The following BCL9 variants were observed in gnomAD, a reference collection of about 807,000 sequenced individuals.
The protein encoded by BCL9 is BCL9 transcription coactivator, also known as B-cell CLL/lymphoma 9 protein.
BCL9 carries 25 observed loss-of-function variants against 88.5 expected under a neutral mutation model. The ratio of observed to expected loss-of-function variants is 0.28; its 90% CI spans 0.21 to 0.39. BCL9 has a LOEUF of 0.39. Ranked by LOEUF, BCL9 falls within the 10% of genes least tolerant of loss-of-function variation. BCL9 has a pLI of 1.00. For synonymous variants in BCL9, 711 were observed against 673.3 expected, an observed-to-expected ratio of 1.06 and a Z score of -0.87; for missense variants, 1,817 against 1,877.8, an observed-to-expected ratio of 0.97 and a Z score of 0.60.
rs1389517302 is a variant in BCL9, at chr1:147,619,170, G to T, written c.1015G>T (p.Gly339Cys). ...CCCTCCGCCTCCACCAGTGTCCAGT[G>T]GCGAGCCCCCCACACTGGGAGAGAA... ...KAPPPPPVSS[G>C]EPPTLGENPD... The change falls in exon 8 of 10, where the codon GGC (glycine) becomes TGC (cysteine). Residue 339 changes from glycine (G) to cysteine (C), a missense_variant. Transcript: ENST00000234739. This position sits in a 1 kb window ranked among gnomAD's most constrained non-coding sequence, Gnocchi z 4.1. The T allele has an allele frequency of 6.8e-6, 11 of 1,613,282 alleles. No individual in the cohort carries two copies. The highest frequency in any genetic ancestry group is 9.3e-6 in the Non-Finnish European group (11 of 1,179,580).
intron 3 of BCL9, among the ~76,000 whole-genome samples, chr1:147,607,642 C>G (rs1553202155): frequency 6.6e-6 from 1 of 152,180 alleles, no homozygotes; most frequent in Non-Finnish European, 1.5e-5. Flanking sequence ...ATTCATTCAA[C>G]AGAACTATTC....
intron 1 of BCL9, among the ~76,000 whole-genome samples, chr1:147,584,119 C>T (rs2101555815): frequency 6.6e-6 from 1 of 151,090 alleles, no homozygotes; most frequent in Admixed American, 6.6e-5. Flanking sequence ...GTGATCTCAG[C>T]TCACTGCAAC....
rs142765909 is a variant in BCL9, at chr1:147,593,512, T to C, written c.-477-11265T>C. Among the ~76,000 whole-genome samples, 739 of 152,308 alleles carry C rather than the reference T, an allele frequency of 4.9e-3. 12 individuals are homozygous for C. The highest frequency in any genetic ancestry group is 0.022 in the Admixed American group (333 of 15,298). ...GCCCAAAACACTTGGTATTTATTCA[T>C]ATTATGCCACTTATTATAAGTGATT... is the stretch of plus-strand genomic sequence containing the variant. On this transcript the variant is annotated intron_variant, in intron 1 of 9. Coordinates refer to ENST00000234739, the MANE Select transcript of BCL9 (RefSeq NM_004326.4).
In BCL9 at chr1:147,599,327, G is replaced by T. The variant is rs587665821; in HGVS notation, c.-477-5450G>T. Among the ~76,000 whole-genome samples, 4 of 152,354 alleles carry T rather than the reference G, an allele frequency of 2.6e-5. No homozygotes were observed. In the South Asian group the frequency reaches 6.2e-4, roughly 24 times the overall value. On this transcript the variant is annotated intron_variant, in intron 1 of 9. Transcript: ENST00000234739. ...AGAGAAGGGACAGGAAAGCGGGGTG[G>T]AACTGCGTCCCGAAGGTGTGAGGAG... is the stretch of plus-strand genomic sequence containing the variant.
intron 3 of BCL9, among the ~76,000 whole-genome samples, chr1:147,608,404 A>T (rs1553202248): frequency 1.3e-5 from 2 of 148,852 alleles, no homozygotes; most frequent in South Asian, 2.1e-4. Context: ...GATCCAACAG[A>T]CAGAGGGGAT....
chr1:147,548,255 C>T (rs1384995486), intron 1 of BCL9, among the ~76,000 whole-genome samples: 1 of 152,144 alleles, frequency 6.6e-6, no homozygotes, highest in African/African-American at 2.4e-5. Flanking sequence ...TAAGGTCATA[C>T]TTGCTCTAAG....
At chr1:147,582,616 A>C (rs1376741572) in intron 1 of BCL9, among the ~76,000 whole-genome samples, 1 of 152,192 alleles carries the variant, frequency 6.6e-6, no homozygotes, top group Non-Finnish European at 1.5e-5. Flanking sequence ...TTACATGTTT[A>C]AATGCTTAGG....
At position 147,615,950 on chromosome 1, in the gene BCL9, C is replaced by G. The variant is rs1553203770; in HGVS notation, c.660+48C>G. ...TAATGGTTTAATGATTCTACAGTGA[C>G]TGCAAAGGAAAGGAGGTGGTGAATT... On this transcript the variant is annotated intron_variant, in intron 7 of 9. Coordinates refer to ENST00000234739, the MANE Select transcript of BCL9 (RefSeq NM_004326.4). 3 of 1,534,958 alleles carry G rather than the reference C, an allele frequency of 2.0e-6. No homozygotes were observed. In the South Asian group the frequency reaches 3.4e-5, roughly 17 times the overall value.
In BCL9 at chr1:147,619,552, C is replaced by G. The variant is rs1553204656; in HGVS notation, c.1397C>G (p.Thr466Ser). ...TIGPDHLDHM[T>S]PEQIAWLKLQ... is the part of the protein sequence containing the mutation. ...GGACCCGACCACCTTGACCATATGA[C>G]TCCCGAGCAGATAGCGTGGCTGAAA... The change falls in exon 8 of 10, where the codon ACT becomes AGT. Residue 466 changes from threonine (T) to serine (S), a missense_variant. Transcript: ENST00000234739. This position sits in a 1 kb window ranked among gnomAD's most constrained non-coding sequence, Gnocchi z 4.1. 2 of 1,614,124 alleles carry G rather than the reference C, an allele frequency of 1.2e-6. No homozygotes were observed. The highest frequency in any genetic ancestry group is 1.6e-4 in the Middle Eastern group (1 of 6,062).
chr1:147,560,802 G>C (rs17160434), intron 1 of BCL9, among the ~76,000 whole-genome samples: 2,239 of 152,094 alleles, frequency 0.015, 26 homozygotes, highest in East Asian at 0.055. Flanking sequence ...ACAAGGCATC[G>C]TTACTTCATG....
At chr1:147,617,864 G>T (rs781939981) in intron 7 of BCL9, among the ~76,000 whole-genome samples, 1 of 152,150 alleles carries the variant, frequency 6.6e-6, no homozygotes, top group Non-Finnish European at 1.5e-5. Context: ...AAGTCCTTCT[G>T]TTCATCAGTG....
In BCL9 at chr1:147,619,609, G is replaced by A. The variant is rs782313751; in HGVS notation, c.1454G>A (p.Arg485Lys). Residue 485 changes from arginine to lysine, a missense_variant, in exon 8 of 10, where the codon AGG becomes AAG. Coordinates refer to ENST00000234739, the MANE Select transcript of BCL9 (RefSeq NM_004326.4). This position sits in a 1 kb window ranked among gnomAD's most constrained non-coding sequence, Gnocchi z 4.1. ...CAGGAGTTTTATGAAGAGAAGAGGA[G>A]GAAGCAGGAACAAGTGGTTGTCCAG... ...LQQEFYEEKRRKQEQVVVQQC... is the reference protein window; with the variant it reads ...LQQEFYEEKRKKQEQVVVQQC... 5 of 1,613,960 alleles carry A rather than the reference G, an allele frequency of 3.1e-6. No homozygotes were observed. In the Middle Eastern group the frequency reaches 4.9e-4, roughly 159 times the overall value.
intron 1 of BCL9, among the ~76,000 whole-genome samples, chr1:147,573,568 C>T (rs960192939): frequency 1.3e-5 from 2 of 152,116 alleles, no homozygotes; most frequent in Non-Finnish European, 2.9e-5. Flanking sequence ...GGATAGGCTC[C>T]GGAGTGAGAC....
intron 1 of BCL9, among the ~76,000 whole-genome samples, chr1:147,550,652 T>C (rs1553194718): frequency 6.6e-6 from 1 of 152,190 alleles, no homozygotes; most frequent in Non-Finnish European, 1.5e-5. Context: ...AATAGAAGCA[T>C]TAAACTCCAT....
intron 3 of BCL9, among the ~76,000 whole-genome samples, chr1:147,608,330 C>T (rs1360344423): frequency 8.2e-4 from 83 of 101,018 alleles, no homozygotes; most frequent in Admixed American, 1.0e-3. Flanking sequence ...TTTTGTTTTG[C>T]TTTTTTTTTT....
intron 9 of BCL9, among the ~76,000 whole-genome samples, chr1:147,623,615 T>C (rs1006150983): frequency 5.9e-5 from 9 of 152,250 alleles, no homozygotes; most frequent in African/African-American, 2.2e-4. Flanking sequence ...CCTTGCTATC[T>C]TCTACACACA....
At chr1:147,561,439 TC>T (rs1278439699) in intron 1 of BCL9, among the ~76,000 whole-genome samples, 1 of 152,162 alleles carries the variant, frequency 6.6e-6, no homozygotes, top group African/African-American at 2.4e-5. Flanking sequence ...TATTTGTGTT[TC>T]CTAGGGGCCC....
chr1:147,624,887 G>A lies in BCL9; in HGVS notation c.4209G>A (p.Arg1403=). 1 of 1,614,114 alleles carries A rather than the reference G, an allele frequency of 6.2e-7. No individual in the cohort carries two copies. The highest frequency in any genetic ancestry group is 8.5e-7 in the Non-Finnish European group (1 of 1,179,970). The change falls in exon 10 of 10, where the codon CGG becomes CGA. Residue 1403 remains arginine (R), a synonymous_variant. Coordinates refer to ENST00000234739, the MANE Select transcript of BCL9 (RefSeq NM_004326.4). The surrounding 1 kb of genome is among the most constrained non-coding windows in gnomAD (Gnocchi z 4.4). ...NIMIPPQMRP[R]GMAADVGMGG... ...TGATCCCCCCACAGATGAGGCCCCG[G>A]GGCATGGCTGCTGACGTGGGCATGG...
chr1:147,601,485 T>C (rs1657385828), intron 1 of BCL9, among the ~76,000 whole-genome samples: 1 of 152,210 alleles, frequency 6.6e-6, no homozygotes, highest in Non-Finnish European at 1.5e-5. Flanking sequence ...ATTTGTGCAC[T>C]GAGCAAAGTG....
Sources: gnomAD v4.1 joint callset for allele counts (sites outside exome capture counted in the v4.1 genomes callset) on GRCh38, gnomAD v4.1.1 for gene constraint, Gnocchi (gnomAD v3.1) non-coding constraint, MANE v1.5 for transcripts, NCBI Gene and HGNC (gene_info 2026-07-23, HGNC 2026-07-21) for gene names.